Variants in KIF24 observed in about 807,000 individuals in gnomAD.
KIF24 encodes the protein kinesin-like protein KIF24.
Under a neutral mutation model 118.9 loss-of-function variants are expected in KIF24, and 81 were observed. That is an observed-to-expected ratio of 0.68 (90% confidence interval 0.57 to 0.82). The LOEUF is 0.82. Among genes scored for constraint, KIF24 ranks in the 40% least tolerant of loss-of-function variants. The pLI is 0.00. For missense variants in KIF24, 1,560 were observed against 1,661.6 expected, an observed-to-expected ratio of 0.94 and a Z score of 1.06; for synonymous variants, 599 against 610.0, an observed-to-expected ratio of 0.98 and a Z score of 0.27.
upstream of KIF24, chr9:34,329,515 G>C (rs1470009756): frequency 1.3e-5 from 2 of 152,248 alleles, no homozygotes; most frequent in African/African-American, 4.8e-5. Flanking sequence ...TCTATTGATG[G>C]GCCCAAGCGT....
At position 34,321,389 on chromosome 9, in the gene KIF24, C is replaced by T. The variant is rs375877808; in HGVS notation, c.-26+7717G>A. Among the ~76,000 whole-genome samples the T allele has an allele frequency of 5.9e-5, 9 of 151,846 alleles. No individual in the cohort carries two copies. The East Asian group carries it at 1.5e-3, about 26-fold the overall frequency. Reference sequence around the variant, plus strand: ...GTCAAATTATTTAACATCTATGAGTCTCTGCTTCTTCAAGTTTAAAATTGA... The same window carrying T: ...GTCAAATTATTTAACATCTATGAGTTTCTGCTTCTTCAAGTTTAAAATTGA... On this transcript the variant is annotated intron_variant, in intron 1 of 12. Transcript: ENST00000402558.
chr9:34,296,536 C>CA (rs112786836), intron 4 of KIF24, among the ~76,000 whole-genome samples: 1,162 of 109,280 alleles, frequency 0.011, 17 homozygotes, highest in African/African-American at 0.032. Flanking sequence ...GACTCCATCT[C>CA]AAAAAAAAAA....
At chr9:34,271,090 A>G (rs1835486688) in intron 7 of KIF24, among the ~76,000 whole-genome samples, 5 of 152,102 alleles carry the variant, frequency 3.3e-5, no homozygotes, top group Admixed American at 1.3e-4. Flanking sequence ...GTGAAGCCCT[A>G]TCTTACAAAC....
chr9:34,263,166 C>G lies in KIF24; in HGVS notation c.1450G>C (p.Glu484Gln). ...TCCTGATCCAGTGCTCGGATACATT[C>G]CTTCAGCTGCAAAGTGGGAGAACAA... The part of the protein sequence containing the change: ...EINQSLLALK[E>Q]CIRALDQEHT... The change falls in exon 9 of 13, where the codon GAA becomes CAA. Residue 484 changes from glutamate to glutamine, a missense_variant. This residue lies in a region of KIF24 where 964 missense variants were observed against 988.0 expected (regional missense o/e 0.98). Coordinates refer to ENST00000402558, the MANE Select transcript of KIF24 (RefSeq NM_194313.4). The G allele has an allele frequency of 6.2e-7, 1 of 1,612,620 alleles. No homozygotes were observed. Among genetic ancestry groups the G allele is most frequent in the Non-Finnish European group, 8.5e-7 (1 of 1,179,190 alleles).
At chr9:34,255,334 A>AG in intron 11 of KIF24, among the ~76,000 whole-genome samples, 169 bp from the exon 12 acceptor site, 1 of 151,962 alleles carries the variant, frequency 6.6e-6, no homozygotes, top group African/African-American at 2.4e-5. Context: ...GCTCTTTCTC[A>AG]GGATTAGGTA....
At position 34,306,348 on chromosome 9, in the gene KIF24, A is replaced by G. The variant is rs944194246; in HGVS notation, c.717T>C (p.Arg239=). 2 of 1,610,766 alleles carry G rather than the reference A, an allele frequency of 1.2e-6. No homozygotes were observed. Among genetic ancestry groups the G allele is most frequent in the African/African-American group, 2.7e-5 (2 of 74,872 alleles). ...CAGTAATAATATTAATTTCTCCACG[A>G]CGTACCTCCCTCATGCCCAGGGGGC... ...RKRPLGMREV[R]RGEINIITVE... The change falls in exon 3 of 13, where the codon CGT becomes CGC. Residue 239 remains arginine (R), a synonymous_variant. Coordinates refer to ENST00000402558, the MANE Select transcript of KIF24 (RefSeq NM_194313.4).
intron 1 of KIF24, chr9:34,319,569 C>G (rs1837448434): frequency 3.7e-6 from 4 of 1,081,022 alleles, no homozygotes; most frequent in Non-Finnish European, 5.7e-6. Context: ...CTTCATCTTC[C>G]TGGTGTGGGA....
At chr9:34,295,214 CAG>C (rs1836421417) in intron 4 of KIF24, among the ~76,000 whole-genome samples, 1 of 151,870 alleles carries the variant, frequency 6.6e-6, no homozygotes, top group Non-Finnish European at 1.5e-5. Context: ...GACAGACAGA[CAG>C]ACAGACAGAC....
Position 34,256,464 on chromosome 9 carries a change from A to G in KIF24, c.3143T>C (p.Leu1048Pro). 6.2e-7 allele frequency: 1 copy of G among 1,613,854 alleles called. No homozygotes were observed. The highest frequency in any genetic ancestry group is 1.1e-5 in the South Asian group (1 of 91,086). The change falls in exon 11 of 13, where the codon CTC becomes CCC. Residue 1048 changes from leucine (L) to proline (P), a missense_variant. Transcript: ENST00000402558. ...LGTHAEYASG[L>P]MSPLTMSLLE... Reference sequence around the variant, plus strand: ...GAGGGACATGGTGAGGGGAGACATGAGTCCAGAAGCATATTCAGCATGCGT... The same window carrying G: ...GAGGGACATGGTGAGGGGAGACATGGGTCCAGAAGCATATTCAGCATGCGT...
chr9:34,305,228 G>C (rs950079497), intron 3 of KIF24, among the ~76,000 whole-genome samples: 1 of 152,146 alleles, frequency 6.6e-6, no homozygotes. Context: ...CTAGCAGGCA[G>C]TGAACATTAT....
chr9:34,329,074 A>G (rs1174508736), intron 1 of KIF24, among the ~76,000 whole-genome samples, 32 bp downstream of exon 1: 1 of 151,934 alleles, frequency 6.6e-6, no homozygotes, highest in Non-Finnish European at 1.5e-5. Flanking sequence ...GACCAGACCT[A>G]CCCCTCCTCT....
chr9:34,332,658 G>A (rs1354084977), upstream of KIF24, among the ~76,000 whole-genome samples: 1 of 152,136 alleles, frequency 6.6e-6, no homozygotes, highest in East Asian at 1.9e-4. Flanking sequence ...CAATATTTAT[G>A]CCATTACAGG....
intron 1 of KIF24, among the ~76,000 whole-genome samples, chr9:34,320,054 C>T (rs1263210890): frequency 1.3e-5 from 2 of 152,226 alleles, no homozygotes; most frequent in African/African-American, 2.4e-5. Flanking sequence ...AGCCACCTCC[C>T]CAGCTCTATC....
chr9:34,311,433 T>G (rs1837141564), intron 1 of KIF24, 62 bp from the exon 2 acceptor site: 2 of 892,048 alleles, frequency 2.2e-6, no homozygotes. Flanking sequence ...ATTATTTATT[T>G]TAAAAATTGA....
rs532128858 is a variant in KIF24 at position 34,257,377 on chromosome 9, T to C, written c.2230A>G (p.Arg744Gly). The change falls in exon 11 of 13, where the codon AGG (arginine) becomes GGG (glycine). Residue 744 changes from arginine to glycine, a missense_variant. By Grantham distance (125) the Arg-to-Gly change is moderately radical. Transcript: ENST00000402558. ...TTTGTCCAAGCTTCAGAGGCAGGCC[T>C]AGCAGGCGTGCCCCTCTGGCTGTCT... ...SQDSQRGTPA[R>G]PASEAWTNIP... 1.5e-4 allele frequency: 238 copies of C among 1,614,078 alleles called. 2 individuals carry two copies. In the African/African-American group the frequency reaches 2.7e-3, roughly 18 times the overall value.
chr9:34,262,660 AAAAAAAAAAAAAAAAATATATATAT>A (rs1835105534), intron 9 of KIF24, among the ~76,000 whole-genome samples: 1 of 45,392 alleles, frequency 2.2e-5, no homozygotes, highest in Non-Finnish European at 4.1e-5. Flanking sequence ...AAAAAAAAAA[AAAAAAAAAAAAAAAAATATATATAT>A]ATATATATAT....
At chr9:34,286,728 G>C in intron 5 of KIF24, 24 bp from the exon 6 acceptor site, 1 of 1,510,388 alleles carries the variant, frequency 6.6e-7, no homozygotes, top group Non-Finnish European at 9.2e-7. Flanking sequence ...AAAGTGGTTG[G>C]TATGATGGTG....
intron 4 of KIF24, among the ~76,000 whole-genome samples, chr9:34,292,029 C>T (rs116946785): frequency 1.3e-5 from 2 of 152,150 alleles, no homozygotes; most frequent in East Asian, 3.9e-4. Context: ...GAATTTCACC[C>T]TGGCAATGTC....
chr9:34,262,834 C>T (rs1334527564), intron 9 of KIF24, among the ~76,000 whole-genome samples: 1 of 150,430 alleles, frequency 6.6e-6, no homozygotes, highest in Non-Finnish European at 1.5e-5. Context: ...GCACTCTAGC[C>T]TGGGTGACAG....
Sources: allele counts gnomAD v4.1 joint callset (sites outside exome capture counted in the v4.1 genomes callset), GRCh38; gene constraint gnomAD v4.1.1; regional missense constraint gnomAD v4.1.1; transcripts MANE v1.5; gene names NCBI Gene and HGNC (gene_info 2026-07-23, HGNC 2026-07-21).